The following ADGRG7 variants were observed in gnomAD, a reference collection of about 807,000 sequenced individuals.
ADGRG7 encodes G-protein coupled receptor 128.
A neutral mutation model predicts 88.6 loss-of-function variants in ADGRG7; 82 were observed. The observed-to-expected ratio is 0.93, with a 90% CI of 0.77 to 1.11. The LOEUF (loss-of-function observed/expected upper bound fraction) is 1.11, where lower values mean the gene tolerates loss of function less well. Ranked by LOEUF, ADGRG7 falls within the 50% of genes most tolerant of loss-of-function variation. The pLI is 0.00. For synonymous variants in ADGRG7, 381 were observed against 345.2 expected, an observed-to-expected ratio of 1.10 and a Z score of -1.15; for missense variants, 945 against 953.4, an observed-to-expected ratio of 0.99 and a Z score of 0.12.
At chr3:100,610,228 AC>A (rs1425234420) in intron 1 of ADGRG7, among the ~76,000 whole-genome samples, 1 of 152,174 alleles carries the variant, frequency 6.6e-6, no homozygotes. Flanking sequence ...TTAACTCCAG[AC>A]TGAATTGGTA....
At chr3:100,619,838 C>A (rs978667911) in intron 1 of ADGRG7, among the ~76,000 whole-genome samples, 1 of 152,192 alleles carries the variant, frequency 6.6e-6, no homozygotes, top group African/African-American at 2.4e-5. Flanking sequence ...GACACGTACA[C>A]TCTCCCAAGA....
intron 15 of ADGRG7, among the ~76,000 whole-genome samples, chr3:100,694,490 C>T (rs902066864): frequency 6.6e-6 from 1 of 152,182 alleles, no homozygotes; most frequent in Non-Finnish European, 1.5e-5. Flanking sequence ...ACACAGCCAG[C>T]TAGTGGCAAC....
chr3:100,626,731 G>C (rs562774521), intron 1 of ADGRG7, among the ~76,000 whole-genome samples: 4 of 152,156 alleles, frequency 2.6e-5, no homozygotes, highest in Admixed American at 6.6e-5. Flanking sequence ...GTTGCAGTGA[G>C]CCGAGATTGT....
intron 1 of ADGRG7, among the ~76,000 whole-genome samples, chr3:100,613,829 T>A (rs960399546): frequency 2.0e-5 from 3 of 152,148 alleles, no homozygotes; most frequent in Non-Finnish European, 4.4e-5. Context: ...GTGGTTAAAA[T>A]GGACACTTGA....
intron 6 of ADGRG7, among the ~76,000 whole-genome samples, chr3:100,641,993 A>G (rs932487530): frequency 1.3e-5 from 2 of 152,238 alleles, no homozygotes; most frequent in East Asian, 3.8e-4. Flanking sequence ...GCAGGTGCCC[A>G]TCTGTAATCT....
intron 14 of ADGRG7, among the ~76,000 whole-genome samples, chr3:100,662,234 C>G (rs568298289): frequency 2.6e-5 from 4 of 151,984 alleles, no homozygotes; most frequent in African/African-American, 9.6e-5. Context: ...AAGTGTCAGA[C>G]GAGGATACAG....
intron 10 of ADGRG7, among the ~76,000 whole-genome samples, chr3:100,647,916 T>C (rs1456017539): frequency 6.6e-6 from 1 of 152,200 alleles, no homozygotes. Flanking sequence ...ATAGCTTGCA[T>C]TATCAAAGCA....
At chr3:100,649,490 A>C (rs2094925545) in intron 10 of ADGRG7, among the ~76,000 whole-genome samples, 1 of 152,224 alleles carries the variant, frequency 6.6e-6, no homozygotes, top group South Asian at 2.1e-4. Context: ...TTAGATAATT[A>C]TTCTCAAGCC....
chr3:100,690,340 T>C (rs1487877125), intron 15 of ADGRG7, among the ~76,000 whole-genome samples: 7 of 152,008 alleles, frequency 4.6e-5, no homozygotes, highest in African/African-American at 1.7e-4. Flanking sequence ...TAGCTTGGAG[T>C]AGTTTGATCT....
chr3:100,694,359 A>G (rs962801125), intron 15 of ADGRG7, among the ~76,000 whole-genome samples: 22 of 152,228 alleles, frequency 1.4e-4, no homozygotes, highest in Non-Finnish European at 2.9e-4. Context: ...CTATGTTACT[A>G]TAACTCCAAG....
intron 15 of ADGRG7, among the ~76,000 whole-genome samples, chr3:100,681,224 T>C (rs1045340486): frequency 1.7e-4 from 26 of 151,972 alleles, no homozygotes; most frequent in African/African-American, 6.3e-4. Flanking sequence ...TTTTAACCTT[T>C]TTAGTTATTT....
intron 6 of ADGRG7, among the ~76,000 whole-genome samples, chr3:100,637,902 G>T (rs923005683): frequency 6.6e-6 from 1 of 152,174 alleles, no homozygotes; most frequent in East Asian, 1.9e-4. Flanking sequence ...CGTTTACTCA[G>T]CCCACCCCAC....
intron 15 of ADGRG7, among the ~76,000 whole-genome samples, chr3:100,687,718 G>C (rs560716984): frequency 6.6e-6 from 1 of 152,308 alleles, no homozygotes; most frequent in East Asian, 1.9e-4. Context: ...TGCATCCAAC[G>C]GATGAAGCCC....
At chr3:100,665,585 A>G (rs1439649585) in intron 14 of ADGRG7, 1 of 366,518 alleles carries the variant, frequency 2.7e-6, no homozygotes. Flanking sequence ...CATTCTTCCT[A>G]TATGAACGGT....
intron 13 of ADGRG7, among the ~76,000 whole-genome samples, chr3:100,659,269 A>G (rs556010841): frequency 2.1e-5 from 3 of 141,902 alleles, no homozygotes; most frequent in African/African-American, 7.9e-5. Flanking sequence ...CGTCTCTACT[A>G]AAAAAAAAAA....
intron 1 of ADGRG7, among the ~76,000 whole-genome samples, chr3:100,623,539 A>C (rs1348879692): frequency 6.6e-6 from 1 of 152,154 alleles, no homozygotes. Context: ...ATTTTTAAAA[A>C]AAATTTTATT....
intron 8 of ADGRG7, 113 bp downstream of exon 8, chr3:100,643,746 T>G: frequency 3.0e-6 from 2 of 665,030 alleles, no homozygotes; most frequent in Non-Finnish European, 5.1e-6. Context: ...CTGAGTAATT[T>G]GCATTTGAGT....
chr3:100,689,162 G>C (rs1297641777), intron 15 of ADGRG7, among the ~76,000 whole-genome samples: 1 of 152,018 alleles, frequency 6.6e-6, no homozygotes, highest in Non-Finnish European at 1.5e-5. Context: ...GATCTTTGTT[G>C]GTTTAAAGTC....
intron 14 of ADGRG7, among the ~76,000 whole-genome samples, chr3:100,668,474 A>G (rs185517410): frequency 6.6e-6 from 1 of 152,276 alleles, no homozygotes; most frequent in African/African-American, 2.4e-5. Flanking sequence ...CCACTGGCCA[A>G]AGTAAGTCAC....
Sources: gnomAD v4.1 joint callset for allele counts (sites outside exome capture counted in the v4.1 genomes callset) on GRCh38, gnomAD v4.1.1 for gene constraint, MANE v1.5 for transcripts, NCBI Gene and HGNC (gene_info 2026-07-23, HGNC 2026-07-21) for gene names.